ERG: variants seen among roughly 807,000 people sequenced by gnomAD.
ERG encodes the protein transcriptional regulator ERG.
In ERG, 9 loss-of-function variants were observed where a neutral mutation model predicts 55.3. The observed-to-expected ratio is 0.16, with a 90% confidence interval of 0.10 to 0.28. ERG has a LOEUF of 0.28. ERG is among the 10% of genes least tolerant of loss of function. The pLI is 1.00. For synonymous variants in ERG, 223 were observed against 237.3 expected, an observed-to-expected ratio of 0.94 and a Z score of 0.55; for missense variants, 434 against 631.6, an observed-to-expected ratio of 0.69 and a Z score of 3.35.
At chr21:38,559,186 G>A (rs2059876816) in intron 2 of ERG, among the ~76,000 whole-genome samples, 1 of 152,058 alleles carries the variant, frequency 6.6e-6, no homozygotes, top group Non-Finnish European at 1.5e-5. Context: ...AAATCCATAG[G>A]AGGATCCTCC....
chr21:38,644,577 CA>C (rs947535558), intron 1 of ERG, among the ~76,000 whole-genome samples: 3 of 152,168 alleles, frequency 2.0e-5, no homozygotes, highest in African/African-American at 4.8e-5. Flanking sequence ...TTTGGTATGA[CA>C]GGGGTCTTCC....
At chr21:38,575,624 G>T in intron 2 of ERG, 1 of 1,505,036 alleles carries the variant, frequency 6.6e-7, no homozygotes, top group Non-Finnish European at 9.3e-7. Flanking sequence ...AGGCACAGAG[G>T]AAGGCAGAGC....
intron 2 of ERG, among the ~76,000 whole-genome samples, chr21:38,548,665 C>A (rs1029693751): frequency 1.4e-5 from 2 of 143,198 alleles, no homozygotes; most frequent in Admixed American, 1.4e-4. Flanking sequence ...CACGTTTGAC[C>A]GTGTTAGCCA....
At chr21:38,521,959 G>A (rs1190273404) in intron 2 of ERG, among the ~76,000 whole-genome samples, 1 of 152,042 alleles carries the variant, frequency 6.6e-6, no homozygotes, top group Non-Finnish European at 1.5e-5. Context: ...GATATCTCTT[G>A]GTAAATTTTA....
chr21:38,367,339 C>G, the ERG span, among the ~76,000 whole-genome samples: 1 of 152,194 alleles, frequency 6.6e-6, no homozygotes, highest in Admixed American at 6.5e-5. Context: ...ATCAGGCATT[C>G]AGAAGCAGCT....
At chr21:38,587,016 T>C (rs1394809944), upstream of ERG, among the ~76,000 whole-genome samples, 1 of 152,230 alleles carries the variant, frequency 6.6e-6, no homozygotes, top group Non-Finnish European at 1.5e-5. Context: ...AACTTTATGC[T>C]AAATGAAATA....
At chr21:38,489,725 G>A (rs139343116) in intron 1 of ERG, among the ~76,000 whole-genome samples, 4 of 152,360 alleles carry the variant, frequency 2.6e-5, no homozygotes, top group African/African-American at 7.2e-5. Flanking sequence ...CTCCTGGTCC[G>A]TCTTTTCCTT....
At chr21:38,652,623 A>T (rs1488639756) in intron 1 of ERG, among the ~76,000 whole-genome samples, 1 of 152,320 alleles carries the variant, frequency 6.6e-6, no homozygotes, top group Admixed American at 6.5e-5. Context: ...AAATCCAACC[A>T]AATGCTCAGA....
intron 2 of ERG, among the ~76,000 whole-genome samples, chr21:38,513,900 G>C (rs1432458510): frequency 6.6e-6 from 1 of 152,014 alleles, no homozygotes; most frequent in East Asian, 1.9e-4. Flanking sequence ...ATTACAGAGA[G>C]AAAAGAGGGA....
chr21:38,409,107 T>G (rs539197655), intron 3 of ERG, among the ~76,000 whole-genome samples: 1 of 152,238 alleles, frequency 6.6e-6, no homozygotes, highest in African/African-American at 2.4e-5. Context: ...CTATGGAGAT[T>G]CCAAAGTGTC....
At chr21:38,610,498 A>T (rs1205233338) in intron 1 of ERG, among the ~76,000 whole-genome samples, 1 of 151,732 alleles carries the variant, frequency 6.6e-6, no homozygotes, top group Non-Finnish European at 1.5e-5. Flanking sequence ...AGTAAACCTG[A>T]TACTAGTAGT....
intron 1 of ERG, among the ~76,000 whole-genome samples, chr21:38,606,078 G>T (rs866136241): frequency 6.6e-6 from 1 of 151,840 alleles, no homozygotes; most frequent in Non-Finnish European, 1.5e-5. Flanking sequence ...AGAGAGAGAT[G>T]ATAGCTAGGT....
At chr21:38,559,697 T>G (rs1418468686) in intron 2 of ERG, among the ~76,000 whole-genome samples, 1 of 152,214 alleles carries the variant, frequency 6.6e-6, no homozygotes, top group Non-Finnish European at 1.5e-5. Flanking sequence ...TTTTTTTTTC[T>G]TGAGACAGAG....
At chr21:38,377,162 G>C (rs542410654), downstream of ERG, among the ~76,000 whole-genome samples, 16 of 152,314 alleles carry the variant, frequency 1.1e-4, no homozygotes, top group South Asian at 4.2e-4. Context: ...ATCTCAAAGC[G>C]GTATTGTGCA....
chr21:38,505,907 A>C (rs901244753), intron 2 of ERG, among the ~76,000 whole-genome samples: 3 of 152,186 alleles, frequency 2.0e-5, no homozygotes, highest in Non-Finnish European at 4.4e-5. Context: ...TTTAGAGAGA[A>C]TACTAGTGTG....
intron 2 of ERG, among the ~76,000 whole-genome samples, chr21:38,432,535 T>C (rs1044449723): frequency 6.6e-6 from 1 of 152,258 alleles, no homozygotes; most frequent in African/African-American, 2.4e-5. Flanking sequence ...TATTTCACTG[T>C]TGACTAATGA....
At chr21:38,589,783 GT>G (rs1261984927), upstream of ERG, among the ~76,000 whole-genome samples, 1 of 152,164 alleles carries the variant, frequency 6.6e-6, no homozygotes, top group Non-Finnish European at 1.5e-5. Context: ...GTAGGGAAGA[GT>G]ATAAACCAAC....
downstream of ERG, among the ~76,000 whole-genome samples, chr21:38,375,872 C>G (rs998997412): frequency 2.6e-5 from 4 of 152,154 alleles, no homozygotes; most frequent in Non-Finnish European, 5.9e-5. Flanking sequence ...TCCTGCACCC[C>G]CAACACAACT....
intron 1 of ERG, among the ~76,000 whole-genome samples, chr21:38,649,185 T>C (rs1397723447): frequency 1.3e-5 from 2 of 152,188 alleles, no homozygotes; most frequent in East Asian, 3.8e-4. Context: ...ATACCCAACC[T>C]GAGAAGCTGA....
Sources: allele counts gnomAD v4.1 joint callset (sites outside exome capture counted in the v4.1 genomes callset), GRCh38; gene constraint gnomAD v4.1.1; transcripts MANE v1.5; gene names NCBI Gene and HGNC (gene_info 2026-07-23, HGNC 2026-07-21).